GRIP2: variants seen among roughly 807,000 people sequenced by gnomAD.
GRIP2 encodes the protein glutamate receptor-interacting protein 2.
A neutral mutation model predicts 108.3 loss-of-function variants in GRIP2; 58 were observed. That is an observed-to-expected ratio of 0.54 (90% CI 0.43 to 0.67). GRIP2 has a LOEUF of 0.67. Among genes scored for constraint, GRIP2 ranks in the 30% least tolerant of loss-of-function variants. The pLI is 0.00. For missense variants in GRIP2, 1,278 were observed against 1,430.6 expected (o/e 0.89, Z 1.72); for synonymous variants, 586 against 598.2 (o/e 0.98, Z 0.30).
chr3:14,540,128 C>T lies in GRIP2; in HGVS notation c.40+141G>A, dbSNP rs1575029310. ...CAGACAGCCCCAGCAAGTGTCCTGC[C>T]CCACCCTCCCCAAGCCCTGGGTCTC... On this transcript the variant is annotated intron_variant, in intron 1 of 23. Coordinates refer to ENST00000621039, the MANE Select transcript of GRIP2 (RefSeq NM_001080423.4). The surrounding 1 kb of genome is among the most constrained non-coding windows in gnomAD (Gnocchi z 4.1). The T allele has an allele frequency of 9.1e-7, 1 of 1,095,246 alleles. No homozygotes were observed. Among genetic ancestry groups the T allele is most frequent in the Non-Finnish European group, 1.3e-6 (1 of 768,528 alleles). The allele number at this position is 1,095,246 out of a possible 1,614,324, so 67.8% of individuals were successfully genotyped here.
At chr3:14,497,517 T>G (rs1224864738) in intron 21 of GRIP2, among the ~76,000 whole-genome samples, 1 of 152,126 alleles carries the variant, frequency 6.6e-6, no homozygotes, top group East Asian at 1.9e-4. Flanking sequence ...TGGGGGGATC[T>G]GGAAGCAAAC....
intron 19 of GRIP2, among the ~76,000 whole-genome samples, chr3:14,506,235 C>A (rs1345505937): frequency 2.0e-5 from 3 of 152,206 alleles, no homozygotes; most frequent in African/African-American, 7.2e-5. Context: ...GCCCCCCCTA[C>A]CCAGTCCTCT....
chr3:14,543,668 CCCAGGCCA>C (rs1307126528), upstream of GRIP2, among the ~76,000 whole-genome samples: 1 of 152,262 alleles, frequency 6.6e-6, no homozygotes, highest in East Asian at 1.9e-4. Flanking sequence ...CTGCCAAGCA[CCCAGGCCA>C]CCAGGGGCTC....
the GRIP2 span, among the ~76,000 whole-genome samples, chr3:14,575,028 GA>G: frequency 1.3e-5 from 2 of 152,208 alleles, no homozygotes; most frequent in African/African-American, 4.8e-5. Context: ...AAAAGGTCAG[GA>G]GGGTGGGTAC....
intron 22 of GRIP2, among the ~76,000 whole-genome samples, chr3:14,495,376 C>T (rs527935923): frequency 1.3e-5 from 2 of 152,118 alleles, no homozygotes; most frequent in Admixed American, 1.3e-4. Context: ...GGGTTGTCCT[C>T]CTCCATATCT....
At chr3:14,577,857 A>G in the GRIP2 span, among the ~76,000 whole-genome samples, 1 of 152,202 alleles carries the variant, frequency 6.6e-6, no homozygotes, top group Non-Finnish European at 1.5e-5. Context: ...CCCTGATGTC[A>G]TCATGGTCCC....
At chr3:14,572,077 C>A in the GRIP2 span, among the ~76,000 whole-genome samples, 1 of 152,110 alleles carries the variant, frequency 6.6e-6, no homozygotes, top group Non-Finnish European at 1.5e-5. Flanking sequence ...ATCCTGTGGG[C>A]TGCTGATTCC....
chr3:14,493,466 T>TC lies in GRIP2; in HGVS notation c.*198dup. ...CTTGGCGAGAGACCCCAGCTGTCAC[T>TC]CCAACTAGGGCAGGACCTCCCTGCC... On this transcript the variant is annotated 3_prime_UTR_variant, in exon 24 of 24. Coordinates refer to ENST00000621039, the MANE Select transcript of GRIP2 (RefSeq NM_001080423.4). The TC allele has an allele frequency of 1.6e-6, 1 of 632,018 alleles. No homozygotes were observed. Among genetic ancestry groups the TC allele is most frequent in the South Asian group, 2.4e-5 (1 of 42,206 alleles). 39.2% of individuals were successfully genotyped at this position (632,018 alleles called of 1,614,324 possible).
chr3:14,525,256 G>A (rs1383376244), intron 3 of GRIP2, among the ~76,000 whole-genome samples, 181 bp downstream of exon 3: 1 of 152,148 alleles, frequency 6.6e-6, no homozygotes, highest in African/African-American at 2.4e-5. Context: ...GAGAAGCCAG[G>A]GCCTAGAATT....
At chr3:14,562,103 A>C in the GRIP2 span, among the ~76,000 whole-genome samples, 1 of 152,260 alleles carries the variant, frequency 6.6e-6, no homozygotes, top group Non-Finnish European at 1.5e-5. Context: ...AGAGCAAGTG[A>C]GGAGTACCGG....
the GRIP2 span, among the ~76,000 whole-genome samples, chr3:14,580,263 A>AG: frequency 1.3e-5 from 2 of 152,220 alleles, no homozygotes; most frequent in Non-Finnish European, 2.9e-5. Flanking sequence ...CCCTCTGCTA[A>AG]GGCCCCATGG....
At chr3:14,516,147 TC>T (rs1694242780) in intron 11 of GRIP2, among the ~76,000 whole-genome samples, 1 of 152,214 alleles carries the variant, frequency 6.6e-6, no homozygotes, top group Admixed American at 6.5e-5. Flanking sequence ...CATCTTTTCA[TC>T]TACATATTCC....
chr3:14,562,155 C>T, the GRIP2 span, among the ~76,000 whole-genome samples: 2 of 152,194 alleles, frequency 1.3e-5, no homozygotes, highest in African/African-American at 2.4e-5. Context: ...GGGCTGGTCC[C>T]CCCAGAACCC....
chr3:14,510,030 C>CCTAA, intron 16 of GRIP2, 66 bp from the exon 17 acceptor site: 6 of 1,307,712 alleles, frequency 4.6e-6, no homozygotes, highest in Non-Finnish European at 5.0e-6. Flanking sequence ...AAAGCCTTGG[C>CCTAA]CTCACTCACT....
upstream of GRIP2, among the ~76,000 whole-genome samples, chr3:14,556,292 A>G (rs1695236424): frequency 1.3e-5 from 2 of 152,020 alleles, no homozygotes; most frequent in East Asian, 3.9e-4. Flanking sequence ...GCTGAAATCT[A>G]CCAATCCCCT....
At chr3:14,570,376 G>T in the GRIP2 span, among the ~76,000 whole-genome samples, 1 of 152,176 alleles carries the variant, frequency 6.6e-6, no homozygotes, top group Non-Finnish European at 1.5e-5. Flanking sequence ...GAGCCAGGGG[G>T]CCAGGAGGGG....
At chr3:14,502,457 G>C (rs1693791910) in intron 21 of GRIP2, among the ~76,000 whole-genome samples, 1 of 150,238 alleles carries the variant, frequency 6.7e-6, no homozygotes, top group Non-Finnish European at 1.5e-5. Flanking sequence ...TTGCACCACT[G>C]TACTCCAGCC....
At chr3:14,567,495 A>G in the GRIP2 span, among the ~76,000 whole-genome samples, 1 of 152,142 alleles carries the variant, frequency 6.6e-6, no homozygotes, top group African/African-American at 2.4e-5. Context: ...AGGAGTCAGG[A>G]GAGACAGCAC....
chr3:14,520,950 C>T (rs368222633), intron 7 of GRIP2: 129 of 207,172 alleles, frequency 6.2e-4, no homozygotes, highest in African/African-American at 2.5e-3. Flanking sequence ...CTCCTGCCCT[C>T]GCCCACCCAT....
Sources: allele counts gnomAD v4.1 joint callset (sites outside exome capture counted in the v4.1 genomes callset), GRCh38; gene constraint gnomAD v4.1.1; non-coding constraint Gnocchi (gnomAD v3.1); transcripts MANE v1.5; gene names NCBI Gene and HGNC (gene_info 2026-07-23, HGNC 2026-07-21).